ADAMTS19: variants seen among roughly 807,000 people sequenced by gnomAD.
ADAMTS19 encodes ADAM metallopeptidase with thrombospondin type 1 motif 19, also known as A disintegrin and metalloproteinase with thrombospondin motifs 19.
A neutral mutation model predicts 153.3 loss-of-function variants in ADAMTS19; 93 were observed. That is an observed-to-expected ratio of 0.61 (90% CI 0.51 to 0.72). ADAMTS19 has a LOEUF of 0.72. Ranked by LOEUF, ADAMTS19 falls within the 30% of genes least tolerant of loss-of-function variation. The pLI is 0.00. For synonymous variants in ADAMTS19, 600 were observed against 556.6 expected, an observed-to-expected ratio of 1.08 and a Z score of -1.10; for missense variants, 1,482 against 1,552.1, an observed-to-expected ratio of 0.95 and a Z score of 0.76.
chr5:129,526,144 G>A (rs991961784), intron 3 of ADAMTS19, 140 bp from the exon 4 acceptor site: 2 of 628,778 alleles, frequency 3.2e-6, no homozygotes, highest in Non-Finnish European at 5.1e-6. Flanking sequence ...TCATTCTAAA[G>A]TCATATTTCA....
At chr5:129,582,326 G>A (rs545939486) in intron 7 of ADAMTS19, among the ~76,000 whole-genome samples, 26 of 151,030 alleles carry the variant, frequency 1.7e-4, no homozygotes, top group Middle Eastern at 3.4e-3. Flanking sequence ...TTCTTGTTGC[G>A]TTGATCCCTT....
At chr5:129,555,054 T>G (rs1053699810) in intron 7 of ADAMTS19, among the ~76,000 whole-genome samples, 1 of 152,210 alleles carries the variant, frequency 6.6e-6, no homozygotes, top group Non-Finnish European at 1.5e-5. Flanking sequence ...AGTCATTGTT[T>G]ACTTCTTTTC....
rs191966324 is a variant in ADAMTS19, at chr5:129,597,397, G to A, written c.1478+733G>A. 2.3e-3 allele frequency among the ~76,000 whole-genome samples: 351 copies of A among 152,228 alleles called. 2 individuals carry two copies. Among genetic ancestry groups the A allele is most frequent in the Middle Eastern group, 6.8e-3 (2 of 294 alleles). On this transcript the variant is annotated intron_variant, in intron 8 of 22. Coordinates refer to ENST00000274487, the MANE Select transcript of ADAMTS19 (RefSeq NM_133638.6). ...TTTATTGGAAAAATACAGAAATATA[G>A]AGAATTTACCCTCCTGAAATTATTA...
At chr5:129,586,118 C>G (rs1269727590) in intron 7 of ADAMTS19, among the ~76,000 whole-genome samples, 1 of 152,116 alleles carries the variant, frequency 6.6e-6, no homozygotes, top group Non-Finnish European at 1.5e-5. Context: ...CCCCCATTAT[C>G]AACATTCACC....
At chr5:129,514,417 G>T (rs180984122) in intron 3 of ADAMTS19, among the ~76,000 whole-genome samples, 1 of 152,080 alleles carries the variant, frequency 6.6e-6, no homozygotes. Context: ...AGTGTACAAG[G>T]GTTCCCTTTT....
At chr5:129,612,725 T>C (rs1051230164) in intron 8 of ADAMTS19, among the ~76,000 whole-genome samples, 39 of 152,092 alleles carry the variant, frequency 2.6e-4, no homozygotes, top group African/African-American at 8.5e-4. Context: ...AATGCTCCAA[T>C]TAAAAGACAC....
chr5:129,518,858 G>C (rs1220664135), intron 3 of ADAMTS19, among the ~76,000 whole-genome samples: 1 of 151,946 alleles, frequency 6.6e-6, no homozygotes, highest in African/African-American at 2.4e-5. Flanking sequence ...AGATCCTGTA[G>C]GTTTGCTTCA....
At chr5:129,689,312 T>A (rs1398957155) in intron 18 of ADAMTS19, among the ~76,000 whole-genome samples, 3 of 152,208 alleles carry the variant, frequency 2.0e-5, no homozygotes, top group Non-Finnish European at 4.4e-5. Context: ...TCCAAGCCTT[T>A]GGGTCCAAGT....
intron 21 of ADAMTS19, among the ~76,000 whole-genome samples, chr5:129,709,494 C>A (rs1341032515): frequency 6.6e-6 from 1 of 151,992 alleles, no homozygotes; most frequent in African/African-American, 2.4e-5. Flanking sequence ...TAACTATAAG[C>A]AAATAAGTAT....
chr5:129,688,629 G>A (rs1411468050), intron 18 of ADAMTS19, among the ~76,000 whole-genome samples: 1 of 152,124 alleles, frequency 6.6e-6, no homozygotes, highest in Non-Finnish European at 1.5e-5. Context: ...TAAAATCTCT[G>A]ATGAAGGCTG....
chr5:129,556,870 C>G (rs942722673), intron 7 of ADAMTS19, among the ~76,000 whole-genome samples: 1 of 152,098 alleles, frequency 6.6e-6, no homozygotes, highest in Admixed American at 6.6e-5. Flanking sequence ...ACAGCCTTTT[C>G]AACACTTGAT....
chr5:129,668,826 G>A (rs376294788), intron 16 of ADAMTS19, among the ~76,000 whole-genome samples: 16 of 152,112 alleles, frequency 1.1e-4, no homozygotes, highest in Middle Eastern at 6.8e-3. Context: ...AGTTAATTCA[G>A]TGGCATTAAG....
chr5:129,503,576 C>T (rs961680884), intron 2 of ADAMTS19, among the ~76,000 whole-genome samples: 4 of 152,112 alleles, frequency 2.6e-5, no homozygotes, highest in African/African-American at 4.8e-5. Context: ...CCATGGCTCA[C>T]GCCTGTGGTC....
chr5:129,632,553 T>G (rs1752349617), intron 10 of ADAMTS19, among the ~76,000 whole-genome samples: 1 of 152,070 alleles, frequency 6.6e-6, no homozygotes, highest in Admixed American at 6.6e-5. Context: ...TGGTTTCATT[T>G]TCCTTCTCCA....
intron 7 of ADAMTS19, among the ~76,000 whole-genome samples, chr5:129,557,732 A>G (rs1753363338): frequency 6.6e-6 from 1 of 152,254 alleles, no homozygotes; most frequent in African/African-American, 2.4e-5. Context: ...TTTAGAAAAT[A>G]GAAAATGGAG....
Position 129,588,519 on chromosome 5 carries a change from A to G in ADAMTS19, c.1373-8040A>G, listed in dbSNP as rs148339842. The stretch of plus-strand genomic sequence containing the variant: ...TCTTTACTTTCTTTTCATCTATTGA[A>G]TCTATCAATTATTGAAAGATCAGTT... On this transcript the variant is annotated intron_variant, in intron 7 of 22. Transcript: ENST00000274487. Among the ~76,000 whole-genome samples, 852 of 152,174 alleles carry G rather than the reference A, an allele frequency of 5.6e-3. 5 individuals are homozygous for G. Among genetic ancestry groups the G allele is most frequent in the Non-Finnish European group, 8.8e-3 (600 of 67,938 alleles).
intron 3 of ADAMTS19, among the ~76,000 whole-genome samples, chr5:129,521,643 G>T (rs763995186): frequency 2.0e-5 from 3 of 152,048 alleles, no homozygotes; most frequent in Non-Finnish European, 4.4e-5. Context: ...TCTATACTTC[G>T]TCTAGCTTCT....
At chr5:129,610,739 G>T (rs376926354) in intron 8 of ADAMTS19, among the ~76,000 whole-genome samples, 2 of 151,944 alleles carry the variant, frequency 1.3e-5, no homozygotes, top group South Asian at 2.1e-4. Context: ...GAATAGTGCC[G>T]CAATAAACAT....
intron 6 of ADAMTS19, among the ~76,000 whole-genome samples, chr5:129,537,132 T>A (rs1198512198): frequency 6.6e-6 from 1 of 151,730 alleles, no homozygotes. Context: ...AACAGACACT[T>A]CTCAAAAGAA....
Sources: gnomAD v4.1 joint callset for allele counts (sites outside exome capture counted in the v4.1 genomes callset) on GRCh38, gnomAD v4.1.1 for gene constraint, MANE v1.5 for transcripts, NCBI Gene and HGNC (gene_info 2026-07-23, HGNC 2026-07-21) for gene names.